The following VRTN variants were observed in gnomAD, a reference collection of about 807,000 sequenced individuals.
VRTN encodes the protein vertnin.
In VRTN, 5 loss-of-function variants were observed where a neutral mutation model predicts 18.2. That is an observed-to-expected ratio of 0.27 (90% CI 0.14 to 0.58). VRTN has a LOEUF of 0.58. Ranked by LOEUF, VRTN falls within the 20% of genes least tolerant of loss-of-function variation. The pLI is 0.91. For missense variants in VRTN, 741 were observed against 939.4 expected (o/e 0.79, Z 2.76); for synonymous variants, 381 against 393.7 (o/e 0.97, Z 0.38).
At chr14:74,340,110 ATTTTTT>A (rs71115984) in intron 2 of VRTN, among the ~76,000 whole-genome samples, 1 of 113,222 alleles carries the variant, frequency 8.8e-6, no homozygotes, top group African/African-American at 3.5e-5. Flanking sequence ...TAATGTTTGT[ATTTTTT>A]TTTTTTTTTT....
chr14:74,332,026 G>C (rs540721149), intron 1 of VRTN, among the ~76,000 whole-genome samples: 4 of 152,054 alleles, frequency 2.6e-5, no homozygotes, highest in Non-Finnish European at 4.4e-5. Flanking sequence ...AGAGATGATA[G>C]GACACCTTAA....
chr14:74,356,712 A>C, intron 1 of VRTN, 71 bp from the exon 2 acceptor site: 1 of 1,502,162 alleles, frequency 6.7e-7, no homozygotes, highest in Non-Finnish European at 8.9e-7. Flanking sequence ...AGGAGTGGAC[A>C]GGGCACCTTT....
chr14:74,343,865 G>A (rs62006829), upstream of VRTN, among the ~76,000 whole-genome samples: 55,354 of 151,328 alleles, frequency 0.37, 11,364 homozygotes, highest in Non-Finnish European at 0.46. Flanking sequence ...GCGTGATCTC[G>A]GCTCACTGCA....
intron 1 of VRTN, among the ~76,000 whole-genome samples, chr14:74,353,546 T>A (rs2140212833): frequency 6.6e-6 from 1 of 152,296 alleles, no homozygotes; most frequent in Admixed American, 6.5e-5. Context: ...CTTCTCAAAC[T>A]TTTTGGTTTC....
At chr14:74,342,421 A>G (rs568466214) in intron 2 of VRTN, among the ~76,000 whole-genome samples, 3 of 152,234 alleles carry the variant, frequency 2.0e-5, no homozygotes, top group South Asian at 4.2e-4. Context: ...AAAACTATAC[A>G]TGTATGTGTA....
chr14:74,353,728 C>T (rs970282955), intron 1 of VRTN, among the ~76,000 whole-genome samples: 2 of 147,022 alleles, frequency 1.4e-5, no homozygotes, highest in Non-Finnish European at 3.0e-5. Flanking sequence ...AAAAAAACTA[C>T]TTTTTTTTTT....
intron 1 of VRTN, among the ~76,000 whole-genome samples, chr14:74,320,350 T>C (rs1171473735): frequency 2.2e-5 from 3 of 135,188 alleles, no homozygotes; most frequent in African/African-American, 5.6e-5. Flanking sequence ...AACCTCTGCC[T>C]CCCGGGTTCA....
intron 1 of VRTN, among the ~76,000 whole-genome samples, chr14:74,331,755 A>G (rs2085527175): frequency 6.6e-6 from 1 of 151,356 alleles, no homozygotes; most frequent in South Asian, 2.1e-4. Context: ...AAATCTTCAC[A>G]ACATGCCTTT....
intron 1 of VRTN, chr14:74,306,098 AATATATGTAAAAATATATATGTAAAATAT>A (rs2085346506): frequency 2.0e-5 from 3 of 146,572 alleles, no homozygotes; most frequent in Non-Finnish European, 4.5e-5. Context: ...ATATATATAT[AATATATGTAAAAATATATATGTAAAATAT>A]ATATATGTAA....
chr14:74,356,862 C>A lies in VRTN; in HGVS notation c.79C>A (p.Leu27Ile). 6.2e-7 allele frequency: 1 copy of A among 1,613,960 alleles called. No individual in the cohort carries two copies. The highest frequency in any genetic ancestry group is 1.1e-5 in the South Asian group (1 of 91,062). The part of the protein sequence containing the change: ...EAVECEGLEG[L>I]IGASLEAKQV... The stretch of plus-strand genomic sequence containing the variant: ...AGTGGAGTGCGAAGGCCTGGAGGGT[C>A]TCATAGGTGCTTCCTTGGAGGCCAA... Residue 27 changes from leucine (L) to isoleucine (I), a missense_variant, in exon 2 of 2, where the codon CTC (leucine) becomes ATC (isoleucine). Around this residue, in one of 3 missense-constraint regions of VRTN, gnomAD observed 186 missense variants for 288.3 expected, o/e 0.65. Transcript: ENST00000256362.
At chr14:74,321,350 A>T (rs1456075260) in intron 1 of VRTN, among the ~76,000 whole-genome samples, 2 of 152,144 alleles carry the variant, frequency 1.3e-5, no homozygotes, top group Non-Finnish European at 2.9e-5. Context: ...TGAGGAAGAG[A>T]ATATGATCAT....
chr14:74,353,762 G>A (rs1595175800), intron 1 of VRTN, among the ~76,000 whole-genome samples: 2 of 151,284 alleles, frequency 1.3e-5, no homozygotes, highest in Admixed American at 1.3e-4. Flanking sequence ...TCACTCTGTC[G>A]TCCAGGCTGG....
chr14:74,332,850 TC>T (rs1425972406), intron 1 of VRTN, among the ~76,000 whole-genome samples: 1 of 152,152 alleles, frequency 6.6e-6, no homozygotes, highest in African/African-American at 2.4e-5. Flanking sequence ...TTCCATTGCT[TC>T]CTTCTCTTGA....
At chr14:74,326,593 A>G (rs2085489017) in intron 1 of VRTN, among the ~76,000 whole-genome samples, 1 of 152,074 alleles carries the variant, frequency 6.6e-6, no homozygotes, top group African/African-American at 2.4e-5. Flanking sequence ...CGGGGGCTCC[A>G]ATGAATGGAC....
chr14:74,318,419 C>A (rs1041503623), intron 1 of VRTN, among the ~76,000 whole-genome samples: 4 of 151,692 alleles, frequency 2.6e-5, no homozygotes, highest in Non-Finnish European at 5.9e-5. Flanking sequence ...TACAAGCATG[C>A]GCCACCACGC....
upstream of VRTN, among the ~76,000 whole-genome samples, chr14:74,344,245 A>C (rs148437919): frequency 1.1e-4 from 14 of 126,630 alleles, no homozygotes; most frequent in East Asian, 1.8e-3. Context: ...TCTGCTTTCT[A>C]CAAAAAAAAA....
intron 1 of VRTN, among the ~76,000 whole-genome samples, chr14:74,315,188 C>A (rs2085412306): frequency 6.6e-6 from 1 of 152,152 alleles, no homozygotes; most frequent in Admixed American, 6.6e-5. Flanking sequence ...TGAGCCCCAA[C>A]AGTATTAAGG....
At position 74,358,991 on chromosome 14, in the gene VRTN, G is replaced by A. The variant is rs2085760360; in HGVS notation, c.*99G>A. ...GCTTGGCCAGGATGTCCTTTGCTCT[G>A]GGTCCCACAGTGTCTACCCTAAGTC... On this transcript the variant is annotated 3_prime_UTR_variant, in exon 2 of 2. Coordinates refer to ENST00000256362, the MANE Select transcript of VRTN (RefSeq NM_018228.3). This position sits in a 1 kb window ranked among gnomAD's most constrained non-coding sequence, Gnocchi z 5.4. The A allele has an allele frequency of 1.4e-6, 2 of 1,472,678 alleles. No individual in the cohort carries two copies. The highest frequency in any genetic ancestry group is 2.8e-5 in the African/African-American group (2 of 70,512). The allele number at this position is 1,472,678 out of a possible 1,614,324, so 91.2% of individuals were successfully genotyped here.
intron 1 of VRTN, among the ~76,000 whole-genome samples, chr14:74,329,207 G>A (rs992200902): frequency 1.3e-5 from 2 of 151,380 alleles, no homozygotes; most frequent in African/African-American, 4.9e-5. Flanking sequence ...TCCAGGAGGC[G>A]AAGGTTGCAG....
Sources: gnomAD v4.1 joint callset for allele counts (sites outside exome capture counted in the v4.1 genomes callset) on GRCh38, gnomAD v4.1.1 for gene constraint, gnomAD v4.1.1 regional missense constraint, Gnocchi (gnomAD v3.1) non-coding constraint, MANE v1.5 for transcripts, NCBI Gene and HGNC (gene_info 2026-07-23, HGNC 2026-07-21) for gene names.